The following ZNF385B variants were observed in gnomAD, a reference collection of about 807,000 sequenced individuals.
The protein encoded by ZNF385B is zinc finger protein 385B, also known as zinc finger protein 533.
Under a neutral mutation model 39.2 loss-of-function variants are expected in ZNF385B, and 23 were observed. The ratio of observed to expected loss-of-function variants is 0.59; its 90% CI spans 0.42 to 0.83. ZNF385B has a LOEUF of 0.83. ZNF385B is among the 40% of genes least tolerant of loss of function. ZNF385B has a pLI of 0.00. For missense variants in ZNF385B, 552 were observed against 598.9 expected (o/e 0.92, Z 0.82); for synonymous variants, 205 against 222.6 (o/e 0.92, Z 0.70).
chr2:179,643,679 A>G (rs1692464194), intron 3 of ZNF385B, among the ~76,000 whole-genome samples: 1 of 152,162 alleles, frequency 6.6e-6, no homozygotes, highest in Non-Finnish European at 1.5e-5. Context: ...ATAGTGGTGG[A>G]GAAGAGCATA....
chr2:179,464,286 C>T (rs2051718747), intron 6 of ZNF385B, among the ~76,000 whole-genome samples: 1 of 152,146 alleles, frequency 6.6e-6, no homozygotes, highest in African/African-American at 2.4e-5. Context: ...AATTTTCTCC[C>T]ATTCTGTAGG....
chr2:179,471,195 G>A (rs1479504329), intron 6 of ZNF385B, among the ~76,000 whole-genome samples: 5 of 152,112 alleles, frequency 3.3e-5, no homozygotes, highest in South Asian at 2.1e-4. Flanking sequence ...TAGATATGAC[G>A]TTGCATTGCA....
intron 3 of ZNF385B, among the ~76,000 whole-genome samples, chr2:179,682,546 T>C (rs1182911593): frequency 6.6e-6 from 1 of 152,224 alleles, no homozygotes; most frequent in Admixed American, 6.5e-5. Context: ...TTTAACTCTG[T>C]CTCTGAACAA....
intron 3 of ZNF385B, among the ~76,000 whole-genome samples, chr2:179,609,977 A>T (rs1331545868): frequency 6.6e-6 from 1 of 152,180 alleles, no homozygotes; most frequent in Non-Finnish European, 1.5e-5. Context: ...TGTCAGATGG[A>T]TACTTCGCAA....
Position 179,443,067 on chromosome 2 carries a change from A to G in ZNF385B, c.*183T>C. On this transcript the variant is annotated 3_prime_UTR_variant, in exon 10 of 10. Transcript: ENST00000410066. The stretch of plus-strand genomic sequence containing the variant: ...CTGCTGATTCCTCAATTATAGGAGC[A>G]GTCTCTAAAAGCCCTCGTCAATCTA... 4 of 694,778 alleles carry G rather than the reference A, an allele frequency of 5.8e-6. No individual in the cohort carries two copies. The highest frequency in any genetic ancestry group is 1.0e-5 in the Non-Finnish European group (4 of 395,788). 43.0% of individuals were successfully genotyped at this position (694,778 alleles called of 1,614,324 possible).
At chr2:179,810,229 A>G (rs1387650038) in intron 1 of ZNF385B, among the ~76,000 whole-genome samples, 6 of 151,918 alleles carry the variant, frequency 3.9e-5, no homozygotes, top group Non-Finnish European at 8.8e-5. Context: ...TTATAAAGGA[A>G]GGACGTTAAG....
intron 3 of ZNF385B, among the ~76,000 whole-genome samples, chr2:179,717,046 A>G (rs896651498): frequency 6.6e-6 from 1 of 152,216 alleles, no homozygotes; most frequent in South Asian, 2.1e-4. Context: ...ACTGCTGCAC[A>G]TTAAGCTACC....
chr2:179,585,162 A>G (rs914104893), intron 3 of ZNF385B, among the ~76,000 whole-genome samples: 1 of 152,250 alleles, frequency 6.6e-6, no homozygotes, highest in Non-Finnish European at 1.5e-5. Flanking sequence ...CATTTGGCAG[A>G]AAGTAATGGA....
At chr2:179,491,324 A>G (rs1349213232) in intron 5 of ZNF385B, among the ~76,000 whole-genome samples, 2 of 152,190 alleles carry the variant, frequency 1.3e-5, no homozygotes, top group Non-Finnish European at 2.9e-5. Flanking sequence ...ATTGGGATCA[A>G]TATCTGAGTC....
intron 3 of ZNF385B, among the ~76,000 whole-genome samples, chr2:179,653,174 G>A (rs575211753): frequency 2.0e-5 from 3 of 152,174 alleles, no homozygotes; most frequent in Non-Finnish European, 4.4e-5. Context: ...ACACATGCCA[G>A]CTGATTGATG....
chr2:179,704,190 A>G (rs1699416904), intron 3 of ZNF385B, among the ~76,000 whole-genome samples: 1 of 152,226 alleles, frequency 6.6e-6, no homozygotes, highest in African/African-American at 2.4e-5. Context: ...ATACCAGAAT[A>G]CTGTTGGCTT....
intron 3 of ZNF385B, chr2:179,745,807 G>T: frequency 6.7e-7 from 1 of 1,486,480 alleles, no homozygotes. Flanking sequence ...ATGTGACCAG[G>T]ATAATGCACA....
At chr2:179,780,986 C>T (rs1429745638) in intron 1 of ZNF385B, among the ~76,000 whole-genome samples, 1 of 152,128 alleles carries the variant, frequency 6.6e-6, no homozygotes, top group Non-Finnish European at 1.5e-5. Context: ...ACTGGGACTG[C>T]CCCAGGTAAA....
At chr2:179,747,160 A>G (rs1045990915) in intron 3 of ZNF385B, among the ~76,000 whole-genome samples, 1 of 152,140 alleles carries the variant, frequency 6.6e-6, no homozygotes, top group African/African-American at 2.4e-5. Context: ...AGTGTCTACA[A>G]TATGAAACAT....
intron 1 of ZNF385B, among the ~76,000 whole-genome samples, chr2:179,777,103 T>C (rs1488583165): frequency 6.6e-6 from 1 of 151,784 alleles, no homozygotes; most frequent in African/African-American, 2.4e-5. Flanking sequence ...TTAATGTCTA[T>C]GTAAATCAGT....
chr2:179,504,328 A>T (rs2057049284), intron 5 of ZNF385B, among the ~76,000 whole-genome samples: 1 of 151,776 alleles, frequency 6.6e-6, no homozygotes, highest in South Asian at 2.1e-4. Flanking sequence ...ATAATGCCGC[A>T]ATAAACATAC....
At chr2:179,689,857 A>C (rs1267733573) in intron 3 of ZNF385B, among the ~76,000 whole-genome samples, 1 of 151,558 alleles carries the variant, frequency 6.6e-6, no homozygotes, top group Non-Finnish European at 1.5e-5. Flanking sequence ...CTTTGGTTCT[A>C]CACTTTCCTG....
intron 3 of ZNF385B, among the ~76,000 whole-genome samples, chr2:179,583,174 C>T (rs1281127629): frequency 6.6e-6 from 1 of 152,088 alleles, no homozygotes; most frequent in Non-Finnish European, 1.5e-5. Context: ...ATAGACATGA[C>T]AGGCATTTTG....
intron 5 of ZNF385B, among the ~76,000 whole-genome samples, chr2:179,497,643 A>AGAAG (rs551396218): frequency 1.1e-4 from 17 of 152,056 alleles, no homozygotes; most frequent in South Asian, 2.1e-4. Context: ...AAGGAAAGAA[A>AGAAG]GAAGGAAGGA....
Sources: gnomAD v4.1 joint callset for allele counts (sites outside exome capture counted in the v4.1 genomes callset) on GRCh38, gnomAD v4.1.1 for gene constraint, MANE v1.5 for transcripts, NCBI Gene and HGNC (gene_info 2026-07-23, HGNC 2026-07-21) for gene names.